CDH13: variants seen among roughly 807,000 people sequenced by gnomAD.
CDH13 encodes cadherin-13.
CDH13 carries 24 observed loss-of-function variants against 63.8 expected under a neutral mutation model. That is an observed-to-expected ratio of 0.38 (90% CI 0.27 to 0.53). CDH13 has a LOEUF of 0.53. CDH13 is among the 20% of genes least tolerant of loss of function. The pLI is 0.85. For missense variants in CDH13, 1,049 were observed against 903.1 expected (o/e 1.16, Z -2.07); for synonymous variants, 503 against 355.3 (o/e 1.42, Z -4.67).
At chr16:82,911,032 G>T (rs114645999) in intron 2 of CDH13, among the ~76,000 whole-genome samples, 5 of 152,158 alleles carry the variant, frequency 3.3e-5, no homozygotes, top group South Asian at 4.1e-4. Flanking sequence ...CAGTACTGCC[G>T]CAGAGTAAGG....
chr16:83,466,678 C>T (rs932376371), intron 6 of CDH13, among the ~76,000 whole-genome samples: 7 of 152,220 alleles, frequency 4.6e-5, no homozygotes, highest in Non-Finnish European at 1.0e-4. Context: ...AGACAAGGAA[C>T]AAATCTCCTG....
intron 6 of CDH13, among the ~76,000 whole-genome samples, chr16:83,422,467 G>C (rs906368503): frequency 1.3e-5 from 2 of 152,104 alleles, no homozygotes; most frequent in African/African-American, 2.4e-5. Flanking sequence ...TGAATCATCT[G>C]GTTTCTTATA....
rs144686482 is a variant in CDH13, at chr16:83,309,042, A to G, written c.637-35820A>G. Among the ~76,000 whole-genome samples, 21 of 152,296 alleles carry G rather than the reference A, an allele frequency of 1.4e-4. No individual in the cohort carries two copies. In the East Asian group the frequency reaches 4.1e-3, roughly 29 times the overall value. ...TTCCCTTGTCACCTTGTTATGCCTC[A>G]GTCCTCAGAACCACTCCTTACTGTG... On this transcript the variant is annotated intron_variant, in intron 5 of 13. Transcript: ENST00000567109.
chr16:82,833,432 T>C lies in CDH13; in HGVS notation c.46-24930T>C, dbSNP rs1201975579. ...GGACTCAAAGCCAGGTTTGCTTGAC[T>C]TCACAGTCTAAATTCAACCCAGGAA... On this transcript the variant is annotated intron_variant, in intron 1 of 13. Transcript: ENST00000567109. Among the ~76,000 whole-genome samples the C allele has an allele frequency of 2.0e-5, 3 of 152,218 alleles. No individual in the cohort carries two copies. The East Asian group carries it at 5.8e-4, about 29-fold the overall frequency.
chr16:82,804,541 C>G (rs533845458), intron 1 of CDH13, among the ~76,000 whole-genome samples: 1 of 152,124 alleles, frequency 6.6e-6, no homozygotes, highest in East Asian at 1.9e-4. Flanking sequence ...ATCATGGATT[C>G]GGATCCTAGT....
intron 8 of CDH13, among the ~76,000 whole-genome samples, chr16:83,618,165 C>A (rs1233018327): frequency 6.6e-6 from 1 of 152,064 alleles, no homozygotes; most frequent in Non-Finnish European, 1.5e-5. Context: ...TGGCTCATGC[C>A]TGTAATACCA....
chr16:83,364,824 C>A (rs569794734), intron 6 of CDH13, among the ~76,000 whole-genome samples: 4 of 152,128 alleles, frequency 2.6e-5, no homozygotes, highest in African/African-American at 9.7e-5. Flanking sequence ...CTTCCAAACA[C>A]CACATGTTCT....
intron 1 of CDH13, among the ~76,000 whole-genome samples, chr16:82,662,300 A>G (rs1912041303): frequency 1.3e-5 from 2 of 148,994 alleles, no homozygotes; most frequent in Admixed American, 6.7e-5. Context: ...TGCACACCAA[A>G]TTGTCGGCAT....
chr16:83,550,525 A>G (rs1013781587), intron 7 of CDH13, among the ~76,000 whole-genome samples: 1 of 152,216 alleles, frequency 6.6e-6, no homozygotes. Flanking sequence ...TCCGATGGCA[A>G]ATTCCGCTCA....
intron 5 of CDH13, among the ~76,000 whole-genome samples, chr16:83,242,230 C>G (rs1381018759): frequency 6.6e-6 from 1 of 152,118 alleles, no homozygotes; most frequent in African/African-American, 2.4e-5. Flanking sequence ...ATTACCATTG[C>G]TTTGTAGTAT....
chr16:82,654,357 G>A (rs778106120), intron 1 of CDH13, among the ~76,000 whole-genome samples: 5 of 152,172 alleles, frequency 3.3e-5, no homozygotes, highest in Non-Finnish European at 7.3e-5. Flanking sequence ...TTGCAGAAGA[G>A]ATGGTTCTTT....
At chr16:83,426,719 A>T (rs1166443412) in intron 6 of CDH13, among the ~76,000 whole-genome samples, 2 of 151,998 alleles carry the variant, frequency 1.3e-5, no homozygotes, top group African/African-American at 4.8e-5. Context: ...GCTGAATGAT[A>T]GTCCTCATTC....
intron 3 of CDH13, among the ~76,000 whole-genome samples, chr16:83,073,546 G>A (rs1053439930): frequency 2.4e-4 from 37 of 151,928 alleles, no homozygotes; most frequent in Non-Finnish European, 3.1e-4. Flanking sequence ...TGTTCCCTGT[G>A]AGCCCTCCCT....
At chr16:83,217,280 G>A in intron 4 of CDH13, 65 bp from the exon 5 acceptor site, 1 of 1,543,726 alleles carries the variant, frequency 6.5e-7, no homozygotes, top group South Asian at 1.1e-5. Flanking sequence ...ATGGGAGTAT[G>A]TTTGCAATGT....
At chr16:83,212,271 C>T (rs895344991) in intron 4 of CDH13, among the ~76,000 whole-genome samples, 6 of 152,062 alleles carry the variant, frequency 3.9e-5, no homozygotes, top group Admixed American at 6.5e-5. Flanking sequence ...TCCCCCAGTT[C>T]GTGAAGTTGG....
intron 10 of CDH13, among the ~76,000 whole-genome samples, chr16:83,733,974 C>T (rs970959407): frequency 1.2e-4 from 19 of 152,278 alleles, no homozygotes; most frequent in African/African-American, 4.6e-4. Flanking sequence ...AGCAGAGCAC[C>T]AGACTATTTT....
At chr16:83,046,073 A>C (rs1451800944) in intron 3 of CDH13, among the ~76,000 whole-genome samples, 2 of 152,170 alleles carry the variant, frequency 1.3e-5, no homozygotes, top group Non-Finnish European at 2.9e-5. Context: ...TTGCTTGTTT[A>C]AGCAAAGCCA....
chr16:82,878,305 C>A (rs2040575984), intron 2 of CDH13, among the ~76,000 whole-genome samples: 1 of 151,874 alleles, frequency 6.6e-6, no homozygotes, highest in Non-Finnish European at 1.5e-5. Flanking sequence ...TCTCAGTAAA[C>A]CCTGGCTTTC....
chr16:82,679,695 A>G (rs1198347064), intron 1 of CDH13, among the ~76,000 whole-genome samples: 1 of 152,198 alleles, frequency 6.6e-6, no homozygotes, highest in Non-Finnish European at 1.5e-5. Flanking sequence ...TCGTCAGATA[A>G]ATAGGGACGT....
Sources: allele counts gnomAD v4.1 joint callset (sites outside exome capture counted in the v4.1 genomes callset), GRCh38; gene constraint gnomAD v4.1.1; transcripts MANE v1.5; gene names NCBI Gene and HGNC (gene_info 2026-07-23, HGNC 2026-07-21).